ALG11: variants seen among roughly 807,000 people sequenced by gnomAD.
The protein encoded by ALG11 is GDP-Man:Man(3)GlcNAc(2)-PP-Dol alpha-1,2-mannosyltransferase.
A neutral mutation model predicts 38.8 loss-of-function variants in ALG11; 26 were observed. The observed-to-expected ratio is 0.67, with a 90% confidence interval of 0.49 to 0.93. The LOEUF is 0.93. ALG11 is among the 40% of genes least tolerant of loss of function. The pLI is 0.00. For synonymous variants in ALG11, 199 were observed against 211.6 expected (o/e 0.94, Z 0.52); for missense variants, 535 against 578.8 (o/e 0.92, Z 0.78).
rs780498216 is a variant in ALG11, at chr13:52,012,442, G to A, written c.24G>A (p.Trp8Ter). 1.9e-6 allele frequency: 3 copies of A among 1,614,068 alleles called. No homozygotes were observed. The highest frequency in any genetic ancestry group is 2.5e-6 in the Non-Finnish European group (3 of 1,180,042). Residue 8 changes from tryptophan to a stop codon, truncating the protein, a stop_gained, in exon 1 of 4, where the codon TGG becomes TGA. Coordinates refer to ENST00000521508, the MANE Select transcript of ALG11 (RefSeq NM_001004127.3). LOFTEE classifies it high-confidence loss of function. Reference protein sequence around the residue: MAAGERSWCLCKLLRFFY... With the variant: MAAGERS ...AGATGGCGGCCGGCGAAAGGAGCTG[G>A]TGCCTGTGCAAGTTGTTGAGGTGAG...
rs151165179 is a variant in ALG11, at chr13:52,028,557, A to G, written c.1446A>G (p.Thr482=). 4 of 1,614,082 alleles carry G rather than the reference A, an allele frequency of 2.5e-6. No individual in the cohort carries two copies. Among genetic ancestry groups the G allele is most frequent in the African/African-American group, 1.3e-5 (1 of 74,946 alleles). Residue 482 remains threonine (T), a synonymous_variant, in exon 4 of 4, where the codon ACA becomes ACG. Transcript: ENST00000521508. Reference sequence around the variant, plus strand: ...TCTCTGATCAGGAATTTGAAGTGACATTCCTATCATCTGTGGAAAAGTTAT... The same window carrying G: ...TCTCTGATCAGGAATTTGAAGTGACGTTCCTATCATCTGTGGAAAAGTTAT... The part of the protein sequence containing the change: ...SRFSDQEFEV[T]FLSSVEKLFK
Position 52,028,684 on chromosome 13 carries a change from CATTTT to C in ALG11, c.*96_*100del, listed in dbSNP as rs747963625. 3.2e-6 allele frequency: 5 copies of C among 1,559,710 alleles called. No homozygotes were observed. In the African/African-American group the frequency reaches 4.1e-5, roughly 13 times the overall value. On this transcript the variant is annotated 3_prime_UTR_variant, in exon 4 of 4. Coordinates refer to ENST00000521508, the MANE Select transcript of ALG11 (RefSeq NM_001004127.3). The stretch of plus-strand genomic sequence containing the variant: ...CTAAATTCAATCTCATTTGTCAAAT[CATTTT>C]ACTTTAGAAAACAGACAAAATTTCC...
At chr13:52,013,035 C>T (rs907538367) in intron 1 of ALG11, among the ~76,000 whole-genome samples, 2 of 152,140 alleles carry the variant, frequency 1.3e-5, no homozygotes, top group African/African-American at 4.8e-5. Flanking sequence ...TATGCTGTTT[C>T]TTCTAGAAAA....
intron 1 of ALG11, among the ~76,000 whole-genome samples, chr13:52,012,911 A>G (rs1566694766): frequency 1.3e-5 from 2 of 152,070 alleles, no homozygotes; most frequent in Non-Finnish European, 2.9e-5. Flanking sequence ...CATTGTTAAC[A>G]CGTCACTTAA....
chr13:52,030,005 GAGGTTTCTGC>G lies in ALG11; in HGVS notation c.*1417_*1426del. 6.2e-7 allele frequency: 1 copy of G among 1,614,226 alleles called. No individual in the cohort carries two copies. Among genetic ancestry groups the G allele is most frequent in the South Asian group, 1.1e-5 (1 of 91,088 alleles). ...GCAAGTGCCAGAGCTTGCAGCTCAT[GAGGTTTCTGC>G]AAGTGAGGCAGAAGAAAGACCAGTG... On this transcript the variant is annotated 3_prime_UTR_variant, in exon 4 of 4. Coordinates refer to ENST00000521508, the MANE Select transcript of ALG11 (RefSeq NM_001004127.3).
chr13:52,023,952 G>A, intron 2 of ALG11, 54 bp from the exon 3 acceptor site: 2 of 1,559,388 alleles, frequency 1.3e-6, no homozygotes, highest in Non-Finnish European at 1.8e-6. Context: ...GTGCCACCGT[G>A]TCTGGCTAAT....
chr13:52,024,466 CT>C lies in ALG11; in HGVS notation c.738del (p.Val247LeufsTer7). The C allele has an allele frequency of 6.2e-7, 1 of 1,614,084 alleles. No individual in the cohort carries two copies. The highest frequency in any genetic ancestry group is 8.5e-7 in the Non-Finnish European group (1 of 1,180,006). ...CTATTTATTTGCTTTTATTTATGGA[CT>C]TGTTGGTTCTTGCAGTGATGTAGTC... Reference protein sequence around the residue: ...YYYLFAFIYGLVGSCSDVVMV... With the variant: ...YYYLFAFIYGXVGSCSDVVMV... On this transcript the variant is annotated frameshift_variant, in exon 3 of 4. Coordinates refer to ENST00000521508, the MANE Select transcript of ALG11 (RefSeq NM_001004127.3). LOFTEE classifies it high-confidence loss of function.
rs1954327023 is a variant in ALG11 at position 52,033,495 on chromosome 13, A to G, written c.*4905A>G. 1 of 167,054 alleles carries G rather than the reference A, an allele frequency of 6.0e-6. No individual in the cohort carries two copies. Among genetic ancestry groups the G allele is most frequent in the Admixed American group, 6.5e-5 (1 of 15,272 alleles). The allele number at this position is 167,054 out of a possible 1,614,324, so 10.3% of individuals were successfully genotyped here. On this transcript the variant is annotated 3_prime_UTR_variant, in exon 4 of 4. Transcript: ENST00000521508. ...GATTCTTTCCAGTGTGGTGCCTTTT[A>G]TATGCCTCACATAGTCTCCTTGTTC...
chr13:52,017,765 T>C (rs1434723282), intron 1 of ALG11: 2 of 152,710 alleles, frequency 1.3e-5, no homozygotes, highest in African/African-American at 2.4e-5. Context: ...TAATACACTG[T>C]GTAACTACAC....
At position 52,029,182 on chromosome 13, in the gene ALG11, G is replaced by C. The variant is rs201380604; in HGVS notation, c.*592G>C. 3.1e-6 allele frequency: 5 copies of C among 1,614,056 alleles called. No individual in the cohort carries two copies. The highest frequency in any genetic ancestry group is 4.2e-6 in the Non-Finnish European group (5 of 1,180,048). On this transcript the variant is annotated 3_prime_UTR_variant, in exon 4 of 4. Transcript: ENST00000521508. ...CTCTTAACAAAGAAAAAATTGAACAGATCCACAGAGAAGTAGCATTCAGTA... is the reference window on the plus strand; with the variant it reads ...CTCTTAACAAAGAAAAAATTGAACACATCCACAGAGAAGTAGCATTCAGTA...
At position 52,030,355 on chromosome 13, in the gene ALG11, A is replaced by G; in HGVS notation, c.*1765A>G. The G allele has an allele frequency of 6.2e-7, 1 of 1,614,186 alleles. No individual in the cohort carries two copies. ...TGGAAGAGCTAGAAGAGCTGGGAAA[A>G]GAAGATTGTTTTCAAAATAAGGAGC... is the stretch of plus-strand genomic sequence containing the variant. On this transcript the variant is annotated 3_prime_UTR_variant, in exon 4 of 4. Transcript: ENST00000521508.
chr13:52,019,464 G>A (rs149637617), intron 2 of ALG11, among the ~76,000 whole-genome samples: 1,851 of 152,054 alleles, frequency 0.012, 38 homozygotes, highest in African/African-American at 0.043. Context: ...CTTGTGATCC[G>A]CCCACCTCGG....
chr13:52,025,057 C>A, intron 3 of ALG11, 120 bp downstream of exon 3: 1 of 1,139,658 alleles, frequency 8.8e-7, no homozygotes, highest in East Asian at 2.4e-5. Flanking sequence ...CCCTCATCCA[C>A]CAAATGTGCT....
Position 52,030,793 on chromosome 13 carries a change from G to T in ALG11, c.*2203G>T. ...GTCCTCCAAGAAAAGATAAGAATTTGCCAAATGTGATTATCAGTGAGAAGC... is the reference window on the plus strand; with the variant it reads ...GTCCTCCAAGAAAAGATAAGAATTTTCCAAATGTGATTATCAGTGAGAAGC... On this transcript the variant is annotated 3_prime_UTR_variant, in exon 4 of 4. Transcript: ENST00000521508. The T allele has an allele frequency of 6.2e-7, 1 of 1,614,140 alleles. No homozygotes were observed. Among genetic ancestry groups the T allele is most frequent in the Non-Finnish European group, 8.5e-7 (1 of 1,180,018 alleles).
rs1954266191 is a variant in ALG11, at chr13:52,028,712, TC to T, written c.*124del. The stretch of plus-strand genomic sequence containing the variant: ...TTTACTTTAGAAAACAGACAAAATT[TC>T]CTTTTAGAATAAAAGGAAGTGTTGA... On this transcript the variant is annotated 3_prime_UTR_variant, in exon 4 of 4. Transcript: ENST00000521508. 6.3e-7 allele frequency: 1 copy of T among 1,585,424 alleles called. No homozygotes were observed. The highest frequency in any genetic ancestry group is 1.3e-5 in the African/African-American group (1 of 74,206).
At chr13:52,013,086 G>GCTA (rs1954096539) in intron 1 of ALG11, among the ~76,000 whole-genome samples, 1 of 152,172 alleles carries the variant, frequency 6.6e-6, no homozygotes, top group African/African-American at 2.4e-5. Flanking sequence ...CCCCAGGAAT[G>GCTA]CTACCATCCG....
In ALG11 at chr13:52,031,352, A is replaced by T; in HGVS notation, c.*2762A>T. The stretch of plus-strand genomic sequence containing the variant: ...AATACAGTGGATGACCCTTTTGAAT[A>T]TACCTAATGATTTCCTTAAAAAAGA... On this transcript the variant is annotated 3_prime_UTR_variant, in exon 4 of 4. Coordinates refer to ENST00000521508, the MANE Select transcript of ALG11 (RefSeq NM_001004127.3). 1.9e-6 allele frequency: 1 copy of T among 529,502 alleles called. No homozygotes were observed. Among genetic ancestry groups the T allele is most frequent in the Non-Finnish European group, 3.3e-6 (1 of 306,366 alleles). 32.8% of individuals were successfully genotyped at this position (529,502 alleles called of 1,614,324 possible). A position where few individuals can be genotyped will look rare whatever the true frequency, so the allele number is the denominator to read the frequency against.
In ALG11 at chr13:52,029,091, C is replaced by G; in HGVS notation, c.*501C>G. 1 of 1,614,232 alleles carries G rather than the reference C, an allele frequency of 6.2e-7. No individual in the cohort carries two copies. Among genetic ancestry groups the G allele is most frequent in the African/African-American group, 1.3e-5 (1 of 75,058 alleles). On this transcript the variant is annotated 3_prime_UTR_variant, in exon 4 of 4. Transcript: ENST00000521508. Reference sequence around the variant, plus strand: ...GATCTGCTTGAGCCCGTTAAAACTTCATCTTCTTTGGCCACTGTAAAAAAG... The same window carrying G: ...GATCTGCTTGAGCCCGTTAAAACTTGATCTTCTTTGGCCACTGTAAAAAAG...
At position 52,022,724 on chromosome 13, in the gene ALG11, G is replaced by A. The variant is rs1194987195; in HGVS notation, c.276-1282G>A. 4 of 141,846 alleles carry A rather than the reference G, an allele frequency of 2.8e-5. No individual in the cohort carries two copies. In the East Asian group the frequency reaches 6.3e-4, roughly 22 times the overall value. The allele number at this position is 141,846 out of a possible 1,614,324, so 8.8% of individuals were successfully genotyped here. A position where few individuals can be genotyped will look rare whatever the true frequency, so the allele number is the denominator to read the frequency against. On this transcript the variant is annotated intron_variant, in intron 2 of 3. Transcript: ENST00000521508. Reference sequence around the variant, plus strand: ...TTTTTTTTTTTTTTTTTCAGATGGAGTTTCATTGTTGTTGCCCAGGCTGGA... The same window carrying A: ...TTTTTTTTTTTTTTTTTCAGATGGAATTTCATTGTTGTTGCCCAGGCTGGA...
Sources: allele counts gnomAD v4.1 joint callset (sites outside exome capture counted in the v4.1 genomes callset), GRCh38; gene constraint gnomAD v4.1.1; transcripts MANE v1.5; gene names NCBI Gene and HGNC (gene_info 2026-07-23, HGNC 2026-07-21).